The following RSU1 variants were observed in gnomAD, a reference collection of about 807,000 sequenced individuals.
The protein encoded by RSU1 is Ras suppressor protein 1, also known as rsu-1.
A neutral mutation model predicts 31.1 loss-of-function variants in RSU1; 26 were observed. The ratio of observed to expected loss-of-function variants is 0.84; its 90% CI spans 0.61 to 1.16. The LOEUF (loss-of-function observed/expected upper bound fraction) is 1.16, where lower values mean the gene tolerates loss of function less well. Among genes scored for constraint, RSU1 ranks in the 50% most tolerant of loss-of-function variants. RSU1 has a pLI of 0.00. For synonymous variants in RSU1, 164 were observed against 136.3 expected (o/e 1.20, Z -1.41); for missense variants, 320 against 339.1 (o/e 0.94, Z 0.44).
At chr10:16,644,799 G>A (rs9651520) in intron 8 of RSU1, among the ~76,000 whole-genome samples, 9,331 of 152,148 alleles carry the variant, frequency 0.061, 980 homozygotes, top group African/African-American at 0.21. Flanking sequence ...GATCTGATAA[G>A]CAAAAATGTG....
chr10:16,705,863 G>T (rs1026526394), intron 7 of RSU1, among the ~76,000 whole-genome samples: 1 of 152,094 alleles, frequency 6.6e-6, no homozygotes, highest in East Asian at 1.9e-4. Context: ...GCTGGTGGTG[G>T]ACTTCTTGGC....
chr10:16,715,691 C>G (rs1836125791), intron 7 of RSU1, among the ~76,000 whole-genome samples: 1 of 152,200 alleles, frequency 6.6e-6, no homozygotes, highest in South Asian at 2.1e-4. Flanking sequence ...CAGTACCACA[C>G]TGTTTTGACT....
chr10:16,672,817 G>A (rs1335526848), intron 8 of RSU1, among the ~76,000 whole-genome samples: 1 of 152,134 alleles, frequency 6.6e-6, no homozygotes, highest in African/African-American at 2.4e-5. Flanking sequence ...TAAGTTGATT[G>A]TTTTACAGAT....
At chr10:16,772,158 T>C (rs1312847657) in intron 3 of RSU1, among the ~76,000 whole-genome samples, 1 of 152,082 alleles carries the variant, frequency 6.6e-6, no homozygotes, top group Non-Finnish European at 1.5e-5. Context: ...AAAAATCAAT[T>C]ACGTGAAAAT....
At chr10:16,715,710 T>A (rs1408141344) in intron 7 of RSU1, among the ~76,000 whole-genome samples, 1 of 152,220 alleles carries the variant, frequency 6.6e-6, no homozygotes, top group Admixed American at 6.5e-5. Context: ...CTACTGGAAC[T>A]GTAGCAAGTT....
At chr10:16,720,041 C>T (rs1836222933) in intron 7 of RSU1, among the ~76,000 whole-genome samples, 1 of 152,224 alleles carries the variant, frequency 6.6e-6, no homozygotes, top group Admixed American at 6.5e-5. Flanking sequence ...GGTCAATACA[C>T]AGTAAGGCTG....
intron 4 of RSU1, among the ~76,000 whole-genome samples, chr10:16,756,087 T>C (rs1216068172): frequency 6.6e-6 from 1 of 152,196 alleles, no homozygotes; most frequent in Non-Finnish European, 1.5e-5. Flanking sequence ...TTTCATTCCA[T>C]TTATTCCTTT....
At chr10:16,806,332 G>A (rs1001666607) in intron 2 of RSU1, among the ~76,000 whole-genome samples, 1 of 152,188 alleles carries the variant, frequency 6.6e-6, no homozygotes, top group African/African-American at 2.4e-5. Flanking sequence ...CCTCCACAGG[G>A]TATGTGCATA....
chr10:16,764,641 C>A, intron 3 of RSU1, 131 bp from the exon 4 acceptor site: 1 of 932,706 alleles, frequency 1.1e-6, no homozygotes, highest in Non-Finnish European at 1.6e-6. Context: ...ATTCACCTAC[C>A]GGTCTTATTT....
intron 8 of RSU1, among the ~76,000 whole-genome samples, chr10:16,632,008 G>T (rs369292769): frequency 1.1e-4 from 16 of 152,150 alleles, no homozygotes; most frequent in East Asian, 3.9e-4. Context: ...CTGCTGCCTT[G>T]ACTGACAAGC....
chr10:16,708,265 AGCT>A (rs1835945097), intron 7 of RSU1, among the ~76,000 whole-genome samples: 1 of 152,230 alleles, frequency 6.6e-6, no homozygotes, highest in Non-Finnish European at 1.5e-5. Context: ...CTTACAATAA[AGCT>A]AGAGAAAATG....
At chr10:16,761,695 A>T (rs1445684606) in intron 4 of RSU1, among the ~76,000 whole-genome samples, 1 of 152,026 alleles carries the variant, frequency 6.6e-6, no homozygotes, top group Non-Finnish European at 1.5e-5. Context: ...TCTCTACTAA[A>T]AATGTAAAAA....
intron 7 of RSU1, among the ~76,000 whole-genome samples, chr10:16,705,986 T>A (rs1269179593): frequency 6.6e-6 from 1 of 152,172 alleles, no homozygotes; most frequent in African/African-American, 2.4e-5. Flanking sequence ...GAATGCAGAC[T>A]CTGTGGATAC....
intron 7 of RSU1, chr10:16,723,273 G>T (rs1040208068): frequency 6.6e-6 from 1 of 152,064 alleles, no homozygotes; most frequent in Non-Finnish European, 1.5e-5. Flanking sequence ...AAGATCCAAC[G>T]TTTTTTCAAC....
rs571950706 is a variant in RSU1, at chr10:16,786,687, T to C, written c.110-4603A>G. ...TTCACCCCAATCTACCCAATTCCAA[T>C]ACATCTCAGGGCTCATTCTAGTTTT... On this transcript the variant is annotated intron_variant, in intron 2 of 8. Transcript: ENST00000345264. 2.6e-5 allele frequency among the ~76,000 whole-genome samples: 4 copies of C among 152,268 alleles called. No individual in the cohort carries two copies. In the South Asian group the frequency reaches 6.2e-4, roughly 24 times the overall value.
At chr10:16,761,282 T>C (rs1837207762) in intron 4 of RSU1, among the ~76,000 whole-genome samples, 1 of 152,250 alleles carries the variant, frequency 6.6e-6, no homozygotes, top group African/African-American at 2.4e-5. Context: ...TTCTTAGCAC[T>C]TTTTACTTCC....
intron 8 of RSU1, among the ~76,000 whole-genome samples, chr10:16,654,684 A>AAC (rs1554763714): frequency 2.0e-5 from 3 of 151,568 alleles, no homozygotes; most frequent in African/African-American, 7.3e-5. Context: ...CAAAAACAAA[A>AAC]AAAAAAAAAA....
intron 2 of RSU1, among the ~76,000 whole-genome samples, chr10:16,809,198 A>G (rs1838347512): frequency 6.6e-6 from 1 of 152,214 alleles, no homozygotes; most frequent in Non-Finnish European, 1.5e-5. Context: ...AATCTGCTCA[A>G]TGGGGACACT....
intron 4 of RSU1, among the ~76,000 whole-genome samples, chr10:16,758,951 C>T (rs146716208): frequency 6.4e-4 from 97 of 152,206 alleles, no homozygotes; most frequent in Middle Eastern, 3.4e-3. Flanking sequence ...TTTTCAAATG[C>T]GTGTTGGAAG....
Sources: gnomAD v4.1 joint callset for allele counts (sites outside exome capture counted in the v4.1 genomes callset) on GRCh38, gnomAD v4.1.1 for gene constraint, MANE v1.5 for transcripts, NCBI Gene and HGNC (gene_info 2026-07-23, HGNC 2026-07-21) for gene names.